The following UGT1A8 variants were observed in gnomAD, a reference collection of about 807,000 sequenced individuals.
UGT1A8 encodes UDP-glucuronosyltransferase 1A8.
In UGT1A8, 39 loss-of-function variants were observed where a neutral mutation model predicts 45.3. That is an observed-to-expected ratio of 0.86 (90% CI 0.67 to 1.12). The LOEUF is 1.12. Among genes scored for constraint, UGT1A8 ranks in the 50% most tolerant of loss-of-function variants. UGT1A8 has a pLI of 0.00. For synonymous variants in UGT1A8, 275 were observed against 249.2 expected, an observed-to-expected ratio of 1.10 and a Z score of -0.97; for missense variants, 719 against 664.9, an observed-to-expected ratio of 1.08 and a Z score of -0.90.
chr2:233,657,916 C>A (rs538604096), intron 1 of UGT1A8, among the ~76,000 whole-genome samples: 4 of 151,304 alleles, frequency 2.6e-5, no homozygotes, highest in African/African-American at 9.7e-5. Context: ...AGTTTCTGGG[C>A]TTTTTTCCAT....
At chr2:233,742,134 C>A (rs1691883024) in intron 1 of UGT1A8, among the ~76,000 whole-genome samples, 1 of 151,870 alleles carries the variant, frequency 6.6e-6, no homozygotes, top group South Asian at 2.1e-4. Context: ...AGACCCTAAC[C>A]CAGCAGCGCT....
intron 1 of UGT1A8, chr2:233,671,727 TG>T: frequency 8.7e-7 from 1 of 1,148,648 alleles, no homozygotes; most frequent in Non-Finnish European, 1.2e-6. Flanking sequence ...TACTGTTGTC[TG>T]GAAAACATAC....
intron 1 of UGT1A8, among the ~76,000 whole-genome samples, chr2:233,705,689 G>C (rs551637021): frequency 6.6e-6 from 1 of 152,268 alleles, no homozygotes; most frequent in South Asian, 2.1e-4. Flanking sequence ...CACAACGACT[G>C]GTATAAAAAT....
intron 1 of UGT1A8, chr2:233,690,926 C>T (rs990494432): frequency 3.1e-5 from 32 of 1,021,698 alleles, no homozygotes; most frequent in Admixed American, 1.1e-4. Flanking sequence ...ATTTCTTCAG[C>T]TCCTTCCTCC....
intron 1 of UGT1A8, among the ~76,000 whole-genome samples, chr2:233,744,726 G>GA (rs1261964774): frequency 2.6e-5 from 4 of 151,822 alleles, no homozygotes; most frequent in African/African-American, 9.7e-5. Context: ...GAATGACGGT[G>GA]AAAAAATCAA....
At chr2:233,659,620 T>G (rs2073926341) in intron 1 of UGT1A8, among the ~76,000 whole-genome samples, 1 of 151,486 alleles carries the variant, frequency 6.6e-6, no homozygotes, top group African/African-American at 2.4e-5. Flanking sequence ...GAGGAAGAGG[T>G]GGAGGAGGTG....
intron 1 of UGT1A8, among the ~76,000 whole-genome samples, chr2:233,700,227 T>C (rs1296427403): frequency 1.3e-5 from 2 of 152,204 alleles, no homozygotes; most frequent in Non-Finnish European, 2.9e-5. Flanking sequence ...TCTAGGCAAC[T>C]CAGTAGAACA....
chr2:233,692,171 A>C (rs1352392558), intron 1 of UGT1A8: 1 of 152,296 alleles, frequency 6.6e-6, no homozygotes, highest in East Asian at 1.9e-4. Context: ...GGCAGGGTTC[A>C]GAGAGCTTTC....
chr2:233,668,845 C>T (rs1208956846), intron 1 of UGT1A8, among the ~76,000 whole-genome samples: 1 of 152,180 alleles, frequency 6.6e-6, no homozygotes, highest in Non-Finnish European at 1.5e-5. Flanking sequence ...TCCAGGATAC[C>T]GCATGACATT....
rs72551343 is a variant in UGT1A8, at chr2:233,760,912, C to T, written c.856-6122C>T. 1.4e-5 allele frequency: 23 copies of T among 1,614,070 alleles called. 1 individual carries two copies. In the South Asian group the frequency reaches 1.5e-4, roughly 11 times the overall value. On this transcript the variant is annotated intron_variant, in intron 1 of 4. Transcript: ENST00000373450. ...TTCAGATCACATGACCTTCCTGCAGCGGGTGAAGAACATGCTCATTGCCTT... is the reference window on the plus strand; with the variant it reads ...TTCAGATCACATGACCTTCCTGCAGTGGGTGAAGAACATGCTCATTGCCTT...
At chr2:233,712,755 G>C (rs28898599) in intron 1 of UGT1A8, among the ~76,000 whole-genome samples, 48 of 152,176 alleles carry the variant, frequency 3.2e-4, no homozygotes, top group Admixed American at 2.4e-3. Flanking sequence ...TCCCCAGAGC[G>C]AGCGCAAGGT....
chr2:233,669,643 C>G (rs181894032), intron 1 of UGT1A8, among the ~76,000 whole-genome samples: 1 of 152,108 alleles, frequency 6.6e-6, no homozygotes. Flanking sequence ...TACCAACCCC[C>G]GAGCAGTAAA....
chr2:233,743,705 G>C (rs756391897), intron 1 of UGT1A8: 3 of 1,367,306 alleles, frequency 2.2e-6, no homozygotes, highest in South Asian at 1.1e-5. Flanking sequence ...CTCCGCCCCC[G>C]CCTCGCCATA....
intron 1 of UGT1A8, among the ~76,000 whole-genome samples, chr2:233,712,746 C>A (rs563563892): frequency 0.011 from 1,329 of 123,370 alleles, 32 homozygotes; most frequent in African/African-American, 0.037. Context: ...CTTGGATGTT[C>A]CCCAGAGCGA....
chr2:233,629,321 T>C (rs985423221), intron 1 of UGT1A8, among the ~76,000 whole-genome samples: 3 of 152,162 alleles, frequency 2.0e-5, no homozygotes, highest in Admixed American at 6.6e-5. Context: ...TGAATAATAT[T>C]TCATGCTGTA....
chr2:233,700,650 A>G (rs1190842216), intron 1 of UGT1A8, among the ~76,000 whole-genome samples: 1 of 152,150 alleles, frequency 6.6e-6, no homozygotes, highest in Non-Finnish European at 1.5e-5. Flanking sequence ...AAGTGTTTAC[A>G]TATTTCTACT....
rs545766433 is a variant in UGT1A8 at position 233,658,278 on chromosome 2, C to T, written c.855+39716C>T. The stretch of plus-strand genomic sequence containing the variant: ...AAGAGACCCACGGACCTTGGCCTCC[C>T]AAAGTGCTGGGATTACAGGTGTGAG... On this transcript the variant is annotated intron_variant, in intron 1 of 4. Transcript: ENST00000373450. Among the ~76,000 whole-genome samples, 6 of 152,282 alleles carry T rather than the reference C, an allele frequency of 3.9e-5. No homozygotes were observed. The South Asian group carries it at 1.2e-3, about 32-fold the overall frequency.
chr2:233,660,195 A>C (rs1396072008), intron 1 of UGT1A8, among the ~76,000 whole-genome samples: 2 of 152,230 alleles, frequency 1.3e-5, no homozygotes, highest in Non-Finnish European at 2.9e-5. Context: ...CAACAAGGAC[A>C]TCTTCCACAG....
At chr2:233,627,674 T>TTCCTTCCA (rs1367360104) in intron 1 of UGT1A8, among the ~76,000 whole-genome samples, 1 of 150,476 alleles carries the variant, frequency 6.6e-6, no homozygotes, top group Non-Finnish European at 1.5e-5. Flanking sequence ...CCTTCCTTCC[T>TTCCTTCCA]TCCTTCTTTC....
Sources: allele counts gnomAD v4.1 joint callset (sites outside exome capture counted in the v4.1 genomes callset), GRCh38; gene constraint gnomAD v4.1.1; transcripts MANE v1.5; gene names NCBI Gene and HGNC (gene_info 2026-07-23, HGNC 2026-07-21).